The following APC variants were observed in gnomAD, a reference collection of about 807,000 sequenced individuals.
APC encodes the protein adenomatous polyposis coli protein.
In APC, 72 loss-of-function variants were observed where a neutral mutation model predicts 247.0. The observed-to-expected ratio is 0.29, with a 90% CI of 0.24 to 0.35. The LOEUF (loss-of-function observed/expected upper bound fraction) is 0.35, where lower values mean the gene tolerates loss of function less well. APC is among the 10% of genes least tolerant of loss of function. APC has a pLI of 1.00. For missense variants in APC, 3,400 were observed against 3,360.7 expected, an observed-to-expected ratio of 1.01 and a Z score of -0.29; for synonymous variants, 1,254 against 1,162.5, an observed-to-expected ratio of 1.08 and a Z score of -1.60.
chr5:112,743,031 A>G (rs1265518770), intron 1 of APC, among the ~76,000 whole-genome samples: 1 of 152,218 alleles, frequency 6.6e-6, no homozygotes, highest in Non-Finnish European at 1.5e-5. Flanking sequence ...CACTGGACCA[A>G]AATCAAGATA....
In APC at chr5:112,772,564, T is replaced by C. The variant is rs188695268; in HGVS notation, c.423-3065T>C. On this transcript the variant is annotated intron_variant, in intron 4 of 15. Transcript: ENST00000257430. ...CGAAATCTCACTCTGTCACCTAGGC[T>C]GGAGTGCAGTGGCACGATCTTGGCT... Among the ~76,000 whole-genome samples the C allele has an allele frequency of 3.7e-3, 567 of 151,548 alleles. 4 individuals carry two copies. Among genetic ancestry groups the C allele is most frequent in the African/African-American group, 0.013 (550 of 41,254 alleles).
At chr5:112,744,536 G>A (rs763018000) in intron 1 of APC, among the ~76,000 whole-genome samples, 1 of 152,198 alleles carries the variant, frequency 6.6e-6, no homozygotes. Flanking sequence ...AAATTGTATA[G>A]TATTTACTGT....
intron 1 of APC, among the ~76,000 whole-genome samples, chr5:112,754,006 T>C (rs555379483): frequency 3.3e-5 from 5 of 152,326 alleles, no homozygotes; most frequent in African/African-American, 1.2e-4. Context: ...TAATTCTTCC[T>C]AAAGTCCTCT....
Position 112,845,701 on chromosome 5 carries a change from TCTTC to T in APC, c.*1582_*1585del, listed in dbSNP as rs1766926112. The T allele has an allele frequency of 4.3e-6, 1 of 232,182 alleles. No homozygotes were observed. The highest frequency in any genetic ancestry group is 8.5e-6 in the Non-Finnish European group (1 of 117,404). 14.4% of individuals were successfully genotyped at this position (232,182 alleles called of 1,614,324 possible). On this transcript the variant is annotated 3_prime_UTR_variant, in exon 16 of 16. Coordinates refer to ENST00000257430, the MANE Select transcript of APC (RefSeq NM_000038.6). ...TGTCCCCTTATACAGTGGAGGGAAG[TCTTC>T]CTTCCTGAAGGAAAATAAACTGACA...
At chr5:112,721,027 G>T (rs965994360) in intron 1 of APC, among the ~76,000 whole-genome samples, 6 of 152,156 alleles carry the variant, frequency 3.9e-5, no homozygotes, top group African/African-American at 1.2e-4. Context: ...GAGCATTTTT[G>T]ATTGGATTGG....
intron 1 of APC, among the ~76,000 whole-genome samples, chr5:112,716,579 A>G (rs1751183612): frequency 6.6e-6 from 1 of 152,028 alleles, no homozygotes; most frequent in Admixed American, 6.5e-5. Context: ...TTAATCCTGC[A>G]TTTCAAATCT....
chr5:112,764,952 A>C lies in APC; in HGVS notation c.136-1374A>C, dbSNP rs1346217478. On this transcript the variant is annotated intron_variant, in intron 2 of 15. Transcript: ENST00000257430. ...AATTTGTTTTCTATTCCACAAATGTAAAACACTCTGGAATATTTTGAAAAT... is the reference window on the plus strand; with the variant it reads ...AATTTGTTTTCTATTCCACAAATGTCAAACACTCTGGAATATTTTGAAAAT... Among the ~76,000 whole-genome samples, 3 of 152,212 alleles carry C rather than the reference A, an allele frequency of 2.0e-5. No individual in the cohort carries two copies. The East Asian group carries it at 5.8e-4, about 29-fold the overall frequency.
At chr5:112,801,445 A>G in intron 8 of APC, 62 bp downstream of exon 8, 1 of 1,225,790 alleles carries the variant, frequency 8.2e-7, no homozygotes, top group Admixed American at 2.0e-5. Flanking sequence ...GTATGAAGCA[A>G]GATGGTTCTA....
intron 11 of APC, 70 bp from the exon 12 acceptor site, chr5:112,827,038 G>C (rs2149807729): frequency 6.6e-7 from 1 of 1,517,976 alleles, no homozygotes; most frequent in South Asian, 1.1e-5. Flanking sequence ...TAGTATTTAA[G>C]TTACCAACTT....
intron 1 of APC, among the ~76,000 whole-genome samples, chr5:112,709,565 T>C (rs1750727417): frequency 6.6e-6 from 1 of 152,152 alleles, no homozygotes; most frequent in Non-Finnish European, 1.5e-5. Context: ...AAATGATTTG[T>C]AGCTCTGTAT....
intron 8 of APC, among the ~76,000 whole-genome samples, chr5:112,804,921 C>T (rs1359943941): frequency 2.6e-5 from 4 of 151,834 alleles, no homozygotes; most frequent in African/African-American, 9.7e-5. Flanking sequence ...GTCAAGGCTG[C>T]AGTGGGCTAT....
intron 14 of APC, chr5:112,829,624 G>A (rs1764108427): frequency 6.5e-6 from 1 of 152,680 alleles, no homozygotes; most frequent in Non-Finnish European, 1.5e-5. Flanking sequence ...CCTGTGCACT[G>A]TAGATTGTTT....
At chr5:112,787,990 A>G (rs1759158286) in intron 6 of APC, among the ~76,000 whole-genome samples, 1 of 152,170 alleles carries the variant, frequency 6.6e-6, no homozygotes, top group South Asian at 2.1e-4. Flanking sequence ...ATAGTTATGT[A>G]TAGTCATACA....
intron 8 of APC, among the ~76,000 whole-genome samples, chr5:112,804,391 CT>C (rs995443652): frequency 2.6e-5 from 4 of 151,320 alleles, no homozygotes; most frequent in African/African-American, 4.9e-5. Flanking sequence ...GTAATTATAA[CT>C]TTTTTTTTGG....
intron 4 of APC, among the ~76,000 whole-genome samples, chr5:112,774,683 C>T (rs1757413811): frequency 6.6e-6 from 1 of 151,690 alleles, no homozygotes; most frequent in Non-Finnish European, 1.5e-5. Context: ...CATCATGTTG[C>T]CCAGGCTGGT....
chr5:112,796,867 T>C (rs150923240), intron 7 of APC, among the ~76,000 whole-genome samples: 124 of 152,242 alleles, frequency 8.1e-4, no homozygotes, highest in African/African-American at 2.8e-3. Context: ...ATTACTGTTT[T>C]GCTGCATCTA....
intron 5 of APC, among the ~76,000 whole-genome samples, chr5:112,778,986 A>G (rs774014119): frequency 6.6e-6 from 1 of 152,234 alleles, no homozygotes; most frequent in Non-Finnish European, 1.5e-5. Context: ...TTTTGAAAAC[A>G]TGTAGCTAGC....
intron 10 of APC, among the ~76,000 whole-genome samples, chr5:112,821,596 C>T (rs1192619428): frequency 6.6e-6 from 1 of 151,802 alleles, no homozygotes; most frequent in African/African-American, 2.4e-5. Context: ...TTTGTATACT[C>T]AACATAATTT....
intron 15 of APC, among the ~76,000 whole-genome samples, chr5:112,837,128 A>C (rs545740420): frequency 6.6e-6 from 1 of 152,214 alleles, no homozygotes; most frequent in Non-Finnish European, 1.5e-5. Flanking sequence ...TCTTCAATCA[A>C]TTCTATCTAC....
Sources: allele counts gnomAD v4.1 joint callset (sites outside exome capture counted in the v4.1 genomes callset), GRCh38; gene constraint gnomAD v4.1.1; transcripts MANE v1.5; gene names NCBI Gene and HGNC (gene_info 2026-07-23, HGNC 2026-07-21).